The following PDE2A variants were observed in gnomAD, a reference collection of about 807,000 sequenced individuals.
The protein encoded by PDE2A is cGMP-dependent 3',5'-cyclic phosphodiesterase.
A neutral mutation model predicts 133.6 loss-of-function variants in PDE2A; 53 were observed. That is an observed-to-expected ratio of 0.40 (90% CI 0.32 to 0.50). PDE2A has a LOEUF of 0.50. PDE2A is among the 20% of genes least tolerant of loss of function. The pLI is 0.73. For missense variants in PDE2A, 796 were observed against 1,232.4 expected (o/e 0.65, Z 5.30); for synonymous variants, 491 against 490.2 (o/e 1.00, Z -0.02).
Position 72,608,354 on chromosome 11 carries a change from CCT to C in PDE2A, c.234+306_234+307del, listed in dbSNP as rs144740334. ...CAAAACTCAGCTGGCTCCACCACGT[CCT>C]GTTATCCTAGGTGAATCCCTTTCAT... On this transcript the variant is annotated intron_variant, in intron 3 of 30. Coordinates refer to ENST00000334456, the MANE Select transcript of PDE2A (RefSeq NM_002599.5). Among the ~76,000 whole-genome samples, 955 of 152,338 alleles carry C rather than the reference CCT, an allele frequency of 6.3e-3. 6 individuals carry two copies. Among genetic ancestry groups the C allele is most frequent in the Non-Finnish European group, 9.5e-3 (649 of 68,032 alleles).
intron 1 of PDE2A, among the ~76,000 whole-genome samples, chr11:72,661,078 G>A (rs983151191): frequency 5.9e-5 from 9 of 152,154 alleles, no homozygotes; most frequent in African/African-American, 1.7e-4. Flanking sequence ...GCCGAGGCAG[G>A]AGGATCACCT....
intron 2 of PDE2A, among the ~76,000 whole-genome samples, chr11:72,615,716 T>A (rs534234608): frequency 6.6e-6 from 1 of 151,508 alleles, no homozygotes; most frequent in South Asian, 2.1e-4. Flanking sequence ...AGCATCCCCC[T>A]CTCCATGCCA....
intron 26 of PDE2A, 36 bp downstream of exon 26, chr11:72,579,498 C>A: frequency 1.3e-6 from 2 of 1,566,600 alleles, no homozygotes; most frequent in Non-Finnish European, 1.7e-6. Flanking sequence ...GCTCCCAGCT[C>A]CCCCTCAATC....
At chr11:72,644,000 C>T (rs981049347) in intron 1 of PDE2A, among the ~76,000 whole-genome samples, 1 of 152,212 alleles carries the variant, frequency 6.6e-6, no homozygotes, top group African/African-American at 2.4e-5. Flanking sequence ...CTCCCCTCCC[C>T]ACCATTCCTT....
At chr11:72,615,288 A>C (rs1857411086) in intron 2 of PDE2A, among the ~76,000 whole-genome samples, 1 of 152,146 alleles carries the variant, frequency 6.6e-6, no homozygotes, top group African/African-American at 2.4e-5. Context: ...TGCCTCCTCC[A>C]AAATGACCTC....
chr11:72,579,614 G>A lies in PDE2A; in HGVS notation c.2182-6C>T. 1 of 1,609,102 alleles carries A rather than the reference G, an allele frequency of 6.2e-7. No homozygotes were observed. The highest frequency in any genetic ancestry group is 1.3e-5 in the African/African-American group (1 of 74,942). The stretch of plus-strand genomic sequence containing the variant: ...GCCTGAGCAAAGTGGTGCCTCTGGG[G>A]GGAGAGGAGTGATGGGGGCCCAGCT... On this transcript the variant is annotated splice_polypyrimidine_tract_variant and splice_region_variant and intron_variant, in intron 25 of 30. Coordinates refer to ENST00000334456, the MANE Select transcript of PDE2A (RefSeq NM_002599.5).
chr11:72,627,944 C>T (rs1858168155), intron 2 of PDE2A, among the ~76,000 whole-genome samples: 1 of 152,260 alleles, frequency 6.6e-6, no homozygotes, highest in Non-Finnish European at 1.5e-5. Flanking sequence ...AAGAGCCCCT[C>T]CTCCAAGTCA....
At chr11:72,589,094 C>T (rs1856112537) in intron 12 of PDE2A, 81 bp downstream of exon 12, 2 of 1,346,596 alleles carry the variant, frequency 1.5e-6, no homozygotes, top group Non-Finnish European at 1.1e-6. Context: ...TCCTAGGCTG[C>T]TCTGTAACAG....
chr11:72,615,858 A>G (rs1857446371), intron 2 of PDE2A, among the ~76,000 whole-genome samples: 1 of 152,166 alleles, frequency 6.6e-6, no homozygotes, highest in Non-Finnish European at 1.5e-5. Context: ...CACAAAAGAG[A>G]GCCTGAGCAG....
rs182770978 is a variant in PDE2A at position 72,592,713 on chromosome 11, G to A, written c.490-1357C>T. On this transcript the variant is annotated intron_variant, in intron 6 of 30. Coordinates refer to ENST00000334456, the MANE Select transcript of PDE2A (RefSeq NM_002599.5). ...TTAGACTTTAGCCTGAGAGTACTGG[G>A]GAGCCATGGCAGACTTTAGCATCTG... is the stretch of plus-strand genomic sequence containing the variant. 3.3e-3 allele frequency among the ~76,000 whole-genome samples: 501 copies of A among 152,182 alleles called. 6 individuals are homozygous for A. The highest frequency in any genetic ancestry group is 4.1e-3 in the Non-Finnish European group (278 of 68,006).
intron 2 of PDE2A, among the ~76,000 whole-genome samples, chr11:72,622,191 GA>G (rs927746364): frequency 8.6e-5 from 13 of 151,296 alleles, no homozygotes; most frequent in Non-Finnish European, 1.6e-4. Flanking sequence ...AAAAATAAAA[GA>G]AAAAAAAGAA....
At chr11:72,660,060 A>G (rs1391456092) in intron 1 of PDE2A, among the ~76,000 whole-genome samples, 1 of 152,210 alleles carries the variant, frequency 6.6e-6, no homozygotes, top group Non-Finnish European at 1.5e-5. Context: ...TCACACTCCT[A>G]TAAGAAGTCC....
At chr11:72,615,723 G>A (rs1202917461) in intron 2 of PDE2A, among the ~76,000 whole-genome samples, 2 of 152,082 alleles carry the variant, frequency 1.3e-5, no homozygotes, top group African/African-American at 4.8e-5. Flanking sequence ...CCCTCTCCAT[G>A]CCATCACAGT....
chr11:72,585,066 T>A, intron 16 of PDE2A, 122 bp from the exon 17 acceptor site: 1 of 935,858 alleles, frequency 1.1e-6, no homozygotes, highest in Non-Finnish European at 1.7e-6. Flanking sequence ...GGTAAGACAC[T>A]CTGCTCAGGG....
intron 2 of PDE2A, among the ~76,000 whole-genome samples, chr11:72,637,615 G>A (rs75344494): frequency 0.033 from 5,060 of 152,326 alleles, 292 homozygotes; most frequent in African/African-American, 0.11. Flanking sequence ...GACAGTCTGC[G>A]GGAAGTGCCC....
intron 1 of PDE2A, among the ~76,000 whole-genome samples, chr11:72,645,999 A>G: frequency 6.6e-6 from 1 of 152,212 alleles, no homozygotes. Flanking sequence ...GAGCAAAGCC[A>G]GGTAAGGAAA....
chr11:72,577,683 T>C, intron 30 of PDE2A, 89 bp from the exon 31 acceptor site: 1 of 909,838 alleles, frequency 1.1e-6, no homozygotes. Flanking sequence ...AAATAGAACT[T>C]CCACAAGGGC....
At chr11:72,583,241 C>T (rs1238702776) in intron 20 of PDE2A, among the ~76,000 whole-genome samples, 197 bp downstream of exon 20, 1 of 152,174 alleles carries the variant, frequency 6.6e-6, no homozygotes, top group Admixed American at 6.5e-5. Flanking sequence ...TACTTCCAGC[C>T]TTGGGACTGA....
At chr11:72,639,900 C>A (rs1161094808) in intron 2 of PDE2A, among the ~76,000 whole-genome samples, 1 of 152,128 alleles carries the variant, frequency 6.6e-6, no homozygotes, top group Non-Finnish European at 1.5e-5. Flanking sequence ...CGTCACTCCA[C>A]AGACATTTAT....
Sources: gnomAD v4.1 joint callset for allele counts (sites outside exome capture counted in the v4.1 genomes callset) on GRCh38, gnomAD v4.1.1 for gene constraint, MANE v1.5 for transcripts, NCBI Gene and HGNC (gene_info 2026-07-23, HGNC 2026-07-21) for gene names.